GRM5: variants seen among roughly 807,000 people sequenced by gnomAD.
GRM5 encodes metabotropic glutamate receptor 5.
GRM5 carries 19 observed loss-of-function variants against 83.1 expected under a neutral mutation model. That is an observed-to-expected ratio of 0.23 (90% confidence interval 0.16 to 0.34). The LOEUF is 0.34. Ranked by LOEUF, GRM5 falls within the 10% of genes least tolerant of loss-of-function variation. GRM5 has a pLI of 1.00. For synonymous variants in GRM5, 675 were observed against 633.6 expected (o/e 1.07, Z -0.98); for missense variants, 1,160 against 1,588.3 (o/e 0.73, Z 4.58).
At chr11:88,521,544 A>G (rs988730449) in intron 9 of GRM5, among the ~76,000 whole-genome samples, 1 of 152,040 alleles carries the variant, frequency 6.6e-6, no homozygotes, top group African/African-American at 2.4e-5. Flanking sequence ...CTTGCTAGCA[A>G]CTCACATGGT....
intron 2 of GRM5, among the ~76,000 whole-genome samples, chr11:88,866,121 C>G (rs1051292899): frequency 6.6e-6 from 1 of 151,808 alleles, no homozygotes; most frequent in Non-Finnish European, 1.5e-5. Context: ...TGTTGCAGCA[C>G]TATTCACAAT....
chr11:88,678,488 T>C (rs1188709049), intron 3 of GRM5, among the ~76,000 whole-genome samples: 1 of 152,134 alleles, frequency 6.6e-6, no homozygotes, highest in African/African-American at 2.4e-5. Context: ...CCTTTCAACA[T>C]AGGTTAGCAA....
intron 3 of GRM5, among the ~76,000 whole-genome samples, chr11:88,672,766 G>T (rs541063537): frequency 6.6e-6 from 1 of 151,994 alleles, no homozygotes; most frequent in African/African-American, 2.4e-5. Flanking sequence ...GTTATAAAAA[G>T]ACATTGCTAA....
chr11:88,596,532 A>T (rs1937809910), intron 6 of GRM5, among the ~76,000 whole-genome samples: 1 of 152,080 alleles, frequency 6.6e-6, no homozygotes, highest in Non-Finnish European at 1.5e-5. Context: ...TGCACTCTAG[A>T]TTATTCACTT....
At chr11:88,698,462 TTCCAC>T (rs1940952620) in intron 3 of GRM5, among the ~76,000 whole-genome samples, 2 of 152,220 alleles carry the variant, frequency 1.3e-5, no homozygotes, top group South Asian at 4.1e-4. Flanking sequence ...CTTCCATGAC[TTCCAC>T]TATTATACAA....
chr11:88,791,364 T>C (rs1176909071), intron 3 of GRM5, among the ~76,000 whole-genome samples: 1 of 152,116 alleles, frequency 6.6e-6, no homozygotes, highest in African/African-American at 2.4e-5. Context: ...AAACATAAGA[T>C]GCTTGAGAAG....
intron 3 of GRM5, among the ~76,000 whole-genome samples, chr11:88,740,836 T>G (rs1210057239): frequency 1.3e-5 from 2 of 152,052 alleles, no homozygotes; most frequent in Non-Finnish European, 2.9e-5. Flanking sequence ...CAGAATTTGC[T>G]TCCAAGAGTA....
chr11:88,820,456 C>A lies in GRM5; in HGVS notation c.911+29450G>T, dbSNP rs12279154. On this transcript the variant is annotated intron_variant, in intron 3 of 9. Coordinates refer to ENST00000305447, the MANE Select transcript of GRM5 (RefSeq NM_001143831.3). Reference sequence around the variant, plus strand: ...CATTATTGCTATTCTTTCTCGAGCCCTGTACCTTTTGAAATAAGGTGTTCA... The same window carrying A: ...CATTATTGCTATTCTTTCTCGAGCCATGTACCTTTTGAAATAAGGTGTTCA... Among the ~76,000 whole-genome samples the A allele has an allele frequency of 8.5e-3, 1,290 of 151,442 alleles. 20 individuals are homozygous for A. The highest frequency in any genetic ancestry group is 0.03 in the African/African-American group (1,231 of 41,170).
chr11:88,636,119 A>G (rs566856783), intron 4 of GRM5, among the ~76,000 whole-genome samples: 2 of 152,340 alleles, frequency 1.3e-5, no homozygotes, highest in Admixed American at 1.3e-4. Flanking sequence ...AAATCTGGAC[A>G]TCACTTATTT....
intron 3 of GRM5, among the ~76,000 whole-genome samples, chr11:88,723,397 G>C (rs1941593795): frequency 6.6e-6 from 1 of 152,112 alleles, no homozygotes; most frequent in East Asian, 1.9e-4. Flanking sequence ...AAAATGCAAA[G>C]GGGCATGATT....
chr11:89,055,917 A>G (rs1941864756), intron 1 of GRM5, among the ~76,000 whole-genome samples: 1 of 143,600 alleles, frequency 7.0e-6, no homozygotes, highest in African/African-American at 2.4e-5. Context: ...TTTACAGAGA[A>G]AAGAACTGAG....
At chr11:88,664,777 A>G (rs574171263) in intron 3 of GRM5, among the ~76,000 whole-genome samples, 2 of 152,212 alleles carry the variant, frequency 1.3e-5, no homozygotes, top group East Asian at 1.9e-4. Context: ...ATTAGGTATT[A>G]TAAGTAATTT....
chr11:88,756,832 A>G (rs962496768), intron 3 of GRM5, among the ~76,000 whole-genome samples: 1 of 152,156 alleles, frequency 6.6e-6, no homozygotes, highest in Non-Finnish European at 1.5e-5. Flanking sequence ...GTACTGTGGC[A>G]GTCCCAGAAG....
chr11:88,592,230 T>C (rs1486567499), intron 6 of GRM5, among the ~76,000 whole-genome samples: 1 of 152,218 alleles, frequency 6.6e-6, no homozygotes, highest in Non-Finnish European at 1.5e-5. Flanking sequence ...TTCTTTTAAC[T>C]GGACCTGTTG....
chr11:88,872,168 A>G (rs994245671), intron 2 of GRM5, among the ~76,000 whole-genome samples: 10 of 151,498 alleles, frequency 6.6e-5, no homozygotes, highest in African/African-American at 2.2e-4. Flanking sequence ...AGACTAATGA[A>G]AGCTACATGT....
chr11:88,990,756 A>G (rs1186760471), intron 2 of GRM5, among the ~76,000 whole-genome samples: 2 of 151,738 alleles, frequency 1.3e-5, no homozygotes, highest in Non-Finnish European at 2.9e-5. Flanking sequence ...AGCCAAAGAC[A>G]AAAACCACAT....
intron 2 of GRM5, among the ~76,000 whole-genome samples, chr11:88,855,020 T>C (rs916046581): frequency 2.6e-5 from 4 of 151,816 alleles, no homozygotes; most frequent in African/African-American, 7.2e-5. Context: ...CCTAGTGAGA[T>C]TTTCATTTTT....
At chr11:88,745,029 AT>A (rs2135420451) in intron 3 of GRM5, among the ~76,000 whole-genome samples, 1 of 152,234 alleles carries the variant, frequency 6.6e-6, no homozygotes, top group Non-Finnish European at 1.5e-5. Flanking sequence ...TATAATTGTT[AT>A]ATTTTACACA....
chr11:88,703,366 G>A (rs1941079768), intron 3 of GRM5, among the ~76,000 whole-genome samples: 1 of 126,176 alleles, frequency 7.9e-6, no homozygotes, highest in Admixed American at 8.5e-5. Context: ...GTCACATTGG[G>A]ATAGTACTGG....
Sources: allele counts gnomAD v4.1 joint callset (sites outside exome capture counted in the v4.1 genomes callset), GRCh38; gene constraint gnomAD v4.1.1; transcripts MANE v1.5; gene names NCBI Gene and HGNC (gene_info 2026-07-23, HGNC 2026-07-21).